The following VPS53 variants were observed in gnomAD, a reference collection of about 807,000 sequenced individuals.
VPS53 encodes vacuolar protein sorting-associated protein 53 homolog.
Under a neutral mutation model 107.0 loss-of-function variants are expected in VPS53, and 70 were observed. The ratio of observed to expected loss-of-function variants is 0.65; its 90% CI spans 0.54 to 0.80. VPS53 has a LOEUF of 0.80. Among genes scored for constraint, VPS53 ranks in the 30% least tolerant of loss-of-function variants. The pLI is 0.00. For missense variants in VPS53, 917 were observed against 1,049.4 expected (o/e 0.87, Z 1.74); for synonymous variants, 409 against 393.3 (o/e 1.04, Z -0.47).
chr17:637,832 T>G (rs1970259773), intron 7 of VPS53, among the ~76,000 whole-genome samples: 1 of 152,230 alleles, frequency 6.6e-6, no homozygotes, highest in African/African-American at 2.4e-5. Flanking sequence ...ATGCTTTACT[T>G]CCAACTATGT....
intron 12 of VPS53, among the ~76,000 whole-genome samples, chr17:595,292 A>G (rs1414718896): frequency 1.8e-5 from 1 of 55,240 alleles, no homozygotes; most frequent in Non-Finnish European, 4.2e-5. Context: ...GTCTGGATCA[A>G]TTTCCTGATT....
chr17:561,051 T>C (rs741678), intron 14 of VPS53, among the ~76,000 whole-genome samples: 77,882 of 151,382 alleles, frequency 0.51, 20,903 homozygotes, highest in African/African-American at 0.68. Flanking sequence ...AGGACATAAG[T>C]GAATGTTAAG....
chr17:684,807 T>TA (rs1972525203), intron 4 of VPS53, among the ~76,000 whole-genome samples: 1 of 151,638 alleles, frequency 6.6e-6, no homozygotes, highest in Non-Finnish European at 1.5e-5. Context: ...CCAACATAAT[T>TA]AAACCCCGTC....
intron 17 of VPS53, chr17:539,060 A>G (rs1910362340): frequency 6.6e-6 from 1 of 152,220 alleles, no homozygotes; most frequent in African/African-American, 2.4e-5. Flanking sequence ...TGTTCTGGGT[A>G]GACACAGCGA....
chr17:570,913 T>C (rs1158954788), intron 13 of VPS53, among the ~76,000 whole-genome samples: 2 of 152,184 alleles, frequency 1.3e-5, no homozygotes, highest in Non-Finnish European at 2.9e-5. Flanking sequence ...AATTTCCTGA[T>C]GTGGACAGTT....
chr17:631,702 GAAGGGC>G, intron 7 of VPS53, 74 bp from the exon 8 acceptor site: 5 of 1,408,848 alleles, frequency 3.5e-6, no homozygotes, highest in Middle Eastern at 1.8e-4. Flanking sequence ...CACAGGGTCG[GAAGGGC>G]TGAAGTCTTT....
chr17:574,221 G>A (rs796209833), intron 13 of VPS53, among the ~76,000 whole-genome samples: 16 of 152,228 alleles, frequency 1.1e-4, no homozygotes, highest in African/African-American at 3.1e-4. Context: ...TTAGTGCTGC[G>A]GAAACTTCCT....
intron 3 of VPS53, among the ~76,000 whole-genome samples, chr17:698,963 T>C (rs1198538455): frequency 2.6e-5 from 4 of 151,624 alleles, no homozygotes; most frequent in African/African-American, 7.3e-5. Flanking sequence ...AGGTCAGGAG[T>C]TCGAGACCAG....
intron 17 of VPS53, 108 bp from the exon 18 acceptor site, chr17:537,284 C>T: frequency 7.7e-7 from 1 of 1,305,726 alleles, no homozygotes; most frequent in Middle Eastern, 2.7e-4. Flanking sequence ...GCTTTGGTAT[C>T]CCAGGAATCA....
intron 4 of VPS53, among the ~76,000 whole-genome samples, chr17:695,600 A>G (rs1332239654): frequency 1.3e-5 from 2 of 151,884 alleles, no homozygotes; most frequent in Non-Finnish European, 2.9e-5. Context: ...CCCAGGCTGG[A>G]GTGCAGTGGC....
intron 4 of VPS53, among the ~76,000 whole-genome samples, chr17:664,797 C>A (rs1971611750): frequency 6.6e-6 from 1 of 152,094 alleles, no homozygotes; most frequent in Admixed American, 6.5e-5. Flanking sequence ...TTCAGGGTTT[C>A]CAGGAAGGTA....
At chr17:622,544 C>T (rs1019065479) in intron 11 of VPS53, among the ~76,000 whole-genome samples, 2 of 152,130 alleles carry the variant, frequency 1.3e-5, no homozygotes, top group Admixed American at 6.5e-5. Flanking sequence ...ACGGATGAGT[C>T]AGCTACAATT....
At chr17:634,383 T>C (rs1477623028) in intron 7 of VPS53, among the ~76,000 whole-genome samples, 1 of 152,226 alleles carries the variant, frequency 6.6e-6, no homozygotes, top group Non-Finnish European at 1.5e-5. Flanking sequence ...CATTAAATTA[T>C]TATGTACACC....
At chr17:572,279 C>G (rs1247530539) in intron 13 of VPS53, among the ~76,000 whole-genome samples, 3 of 151,392 alleles carry the variant, frequency 2.0e-5, no homozygotes. Flanking sequence ...GCCGCCCCAT[C>G]TGAGAAGGGA....
In VPS53 at chr17:519,387, A is replaced by G; in HGVS notation, c.2329-89T>C. Reference sequence around the variant, plus strand: ...CGCAGTATCTGGATATGGGGTCAGCAGAGGCTCTGGAGACAGCATAGTTAC... The same window carrying G: ...CGCAGTATCTGGATATGGGGTCAGCGGAGGCTCTGGAGACAGCATAGTTAC... On this transcript the variant is annotated intron_variant, in intron 21 of 21. Transcript: ENST00000437048. The surrounding 1 kb of genome is among the most constrained non-coding windows in gnomAD (Gnocchi z 5.0). 7.6e-7 allele frequency: 1 copy of G among 1,321,850 alleles called. No homozygotes were observed. Among genetic ancestry groups the G allele is most frequent in the Non-Finnish European group, 1.0e-6 (1 of 1,002,374 alleles). The allele number at this position is 1,321,850 out of a possible 1,614,324, so 81.9% of individuals were successfully genotyped here.
intron 2 of VPS53, among the ~76,000 whole-genome samples, chr17:709,522 C>T (rs370022056): frequency 1.3e-5 from 2 of 152,304 alleles, no homozygotes. Flanking sequence ...GTCTTTGTTT[C>T]CTTACCGCAC....
rs1337445827 is a variant in VPS53 at position 572,181 on chromosome 17, G to A, written c.1314-9436C>T. 6.8e-5 allele frequency among the ~76,000 whole-genome samples: 10 copies of A among 147,292 alleles called. No individual in the cohort carries two copies. The East Asian group carries it at 1.0e-3, about 15-fold the overall frequency. On this transcript the variant is annotated intron_variant, in intron 13 of 21. Coordinates refer to ENST00000437048, the MANE Select transcript of VPS53 (RefSeq NM_001128159.3). ...GCCCATCGTCTGAGATGTGGGGAGC[G>A]CCTTTGCCCCGCCGCCCCGTCTGGG...
rs112198754 is a variant in VPS53, at chr17:572,525, G to A, written c.1314-9780C>T. Among the ~76,000 whole-genome samples, 19 of 152,152 alleles carry A rather than the reference G, an allele frequency of 1.2e-4. 1 individual carries two copies. The highest frequency in any genetic ancestry group is 4.3e-4 in the African/African-American group (18 of 41,458). On this transcript the variant is annotated intron_variant, in intron 13 of 21. Coordinates refer to ENST00000437048, the MANE Select transcript of VPS53 (RefSeq NM_001128159.3). ...CCCCTCTGCCCAGCGCGTCTGGGAC[G>A]TGTGCCCAAGAGCTTATTGAGAACG...
At chr17:708,886 C>G (rs980930790) in intron 2 of VPS53, among the ~76,000 whole-genome samples, 1 of 152,208 alleles carries the variant, frequency 6.6e-6, no homozygotes. Context: ...TATAACTCTA[C>G]TTATTTAACT....
Sources: gnomAD v4.1 joint callset for allele counts (sites outside exome capture counted in the v4.1 genomes callset) on GRCh38, gnomAD v4.1.1 for gene constraint, Gnocchi (gnomAD v3.1) non-coding constraint, MANE v1.5 for transcripts, NCBI Gene and HGNC (gene_info 2026-07-23, HGNC 2026-07-21) for gene names.